Variants in TMEM181 observed in about 807,000 individuals in gnomAD.
The protein encoded by TMEM181 is G protein-coupled receptor 178.
A neutral mutation model predicts 71.9 loss-of-function variants in TMEM181; 39 were observed. The observed-to-expected ratio is 0.54, with a 90% CI of 0.42 to 0.71. The LOEUF is 0.71. TMEM181 is among the 30% of genes least tolerant of loss of function. TMEM181 has a pLI of 0.00. For missense variants in TMEM181, 595 were observed against 583.0 expected (o/e 1.02, Z -0.21); for synonymous variants, 245 against 228.8 (o/e 1.07, Z -0.64).
At chr6:158,539,815 G>T (rs1435358508) in intron 1 of TMEM181, among the ~76,000 whole-genome samples, 2 of 152,214 alleles carry the variant, frequency 1.3e-5, no homozygotes, top group South Asian at 2.1e-4. Context: ...TCTAGCCCCA[G>T]TTCCACTCCT....
chr6:158,624,409 G>A (rs541613297), intron 11 of TMEM181, among the ~76,000 whole-genome samples: 150 of 152,348 alleles, frequency 9.8e-4, no homozygotes, highest in Non-Finnish European at 1.7e-3. Context: ...GAGCTCTGGC[G>A]CTGAGAGGAC....
At chr6:158,545,849 C>T (rs1781510720) in intron 1 of TMEM181, among the ~76,000 whole-genome samples, 1 of 152,068 alleles carries the variant, frequency 6.6e-6, no homozygotes, top group African/African-American at 2.4e-5. Context: ...GCTTCCCATT[C>T]TTTTTAATAC....
upstream of TMEM181, among the ~76,000 whole-genome samples, chr6:158,556,598 G>A (rs535262576): frequency 1.3e-5 from 2 of 152,306 alleles, no homozygotes; most frequent in South Asian, 2.1e-4. Context: ...CCAGTCTCGC[G>A]TTGGACAGGC....
At chr6:158,584,947 TAAG>T (rs1783679913) in intron 4 of TMEM181, among the ~76,000 whole-genome samples, 1 of 152,158 alleles carries the variant, frequency 6.6e-6, no homozygotes. Flanking sequence ...TCAGAAGAAA[TAAG>T]AAATCTATTT....
At chr6:158,586,431 A>G (rs1384823464) in intron 5 of TMEM181, among the ~76,000 whole-genome samples, 3 of 152,216 alleles carry the variant, frequency 2.0e-5, no homozygotes, top group Non-Finnish European at 2.9e-5. Flanking sequence ...TTCAGTCCTC[A>G]TGGCAAGTCC....
At chr6:158,630,133 T>C (rs1786578214) in intron 15 of TMEM181, among the ~76,000 whole-genome samples, 1 of 152,180 alleles carries the variant, frequency 6.6e-6, no homozygotes, top group South Asian at 2.1e-4. Context: ...TCAGGAGAAA[T>C]CACACTTTGA....
At chr6:158,590,330 C>T (rs189539446) in intron 6 of TMEM181, among the ~76,000 whole-genome samples, 2 of 151,990 alleles carry the variant, frequency 1.3e-5, no homozygotes, top group African/African-American at 4.8e-5. Flanking sequence ...AAAATAGCTG[C>T]CTCATAGAGC....
chr6:158,623,456 TAAGTAAAAAAAACAAAAAGTCAATAA>T, intron 10 of TMEM181, 68 bp from the exon 11 acceptor site: 1 of 815,540 alleles, frequency 1.2e-6, no homozygotes, highest in Non-Finnish European at 1.9e-6. Flanking sequence ...TTTATATTAA[TAAGTAAAAAAAACAAAAAGTCAATAA>T]GAAAAAATGT....
At chr6:158,627,104 C>T (rs1443443880) in intron 13 of TMEM181, among the ~76,000 whole-genome samples, 1 of 87,788 alleles carries the variant, frequency 1.1e-5, no homozygotes, top group African/African-American at 5.8e-5. Flanking sequence ...CTCGTTTTCA[C>T]CCTCTCTCAC....
intron 1 of TMEM181, among the ~76,000 whole-genome samples, chr6:158,541,832 CTG>C (rs1781360998): frequency 6.6e-6 from 1 of 150,560 alleles, no homozygotes; most frequent in Admixed American, 6.6e-5. Context: ...ACTGACAACT[CTG>C]TCTTTTGTTT....
chr6:158,555,876 G>T (rs574286966), upstream of TMEM181, among the ~76,000 whole-genome samples: 245 of 93,352 alleles, frequency 2.6e-3, no homozygotes, highest in African/African-American at 0.011. Flanking sequence ...TCTCTTGGAA[G>T]ATTTTTCAGA....
intron 10 of TMEM181, among the ~76,000 whole-genome samples, chr6:158,622,433 T>C (rs927471270): frequency 6.6e-6 from 1 of 152,014 alleles, no homozygotes; most frequent in African/African-American, 2.4e-5. Flanking sequence ...GCCATGACAG[T>C]GTCGGTGGTT....
chr6:158,627,876 G>A (rs1786418276), intron 13 of TMEM181, among the ~76,000 whole-genome samples: 2 of 152,178 alleles, frequency 1.3e-5, no homozygotes, highest in South Asian at 4.1e-4. Flanking sequence ...CTGTGGACCT[G>A]TGTCCCGAGG....
At chr6:158,571,791 AG>A (rs1782864761) in intron 1 of TMEM181, among the ~76,000 whole-genome samples, 1 of 152,222 alleles carries the variant, frequency 6.6e-6, no homozygotes, top group African/African-American at 2.4e-5. Context: ...TGTGCAGTGC[AG>A]GTGCAGAGGG....
In TMEM181 at chr6:158,554,978, CTT is replaced by C. The variant is rs368523053; in HGVS notation, c.131+18116_131+18117del. On this transcript the variant is annotated intron_variant, in intron 1 of 16. Coordinates refer to the TMEM181 transcript ENST00000367090. The stretch of plus-strand genomic sequence containing the variant: ...TTTAAAAATCTCTTTTACTCCCACT[CTT>C]TTGCTTTTTTCAGCTTTAAATGAGT... 7.0e-4 allele frequency among the ~76,000 whole-genome samples: 106 copies of C among 152,316 alleles called. 1 individual carries two copies. The East Asian group carries it at 9.4e-3, about 14-fold the overall frequency.
Position 158,608,643 on chromosome 6 carries a change from A to AT in TMEM181, c.805-9dup, listed in dbSNP as rs765461408. 2.8e-5 allele frequency: 45 copies of AT among 1,598,316 alleles called. No individual in the cohort carries two copies. Among genetic ancestry groups the AT allele is most frequent in the Middle Eastern group, 1.7e-4 (1 of 5,978 alleles). ...TGGTTTTCTTTATTTCTTACTTCTT[A>AT]TTTTTTTCTTTTTAGGGAGAAAGAA... On this transcript the variant is annotated splice_polypyrimidine_tract_variant and intron_variant, in intron 9 of 16. Coordinates refer to ENST00000684151, the MANE Select transcript of TMEM181 (RefSeq NM_001376852.1).
intron 10 of TMEM181, among the ~76,000 whole-genome samples, chr6:158,616,391 C>T (rs1443400077): frequency 2.0e-5 from 3 of 152,138 alleles, no homozygotes; most frequent in Admixed American, 6.5e-5. Context: ...TGGGCTGAGA[C>T]GATGGGGTTT....
At chr6:158,614,273 C>T (rs949836954) in intron 10 of TMEM181, among the ~76,000 whole-genome samples, 1 of 152,136 alleles carries the variant, frequency 6.6e-6, no homozygotes, top group Non-Finnish European at 1.5e-5. Flanking sequence ...ATTTGAAACA[C>T]TTGATAGTAT....
In TMEM181 at chr6:158,589,724, A is replaced by T. The variant is rs1467709917; in HGVS notation, c.434A>T (p.Tyr145Phe). ...AHLGYLNYTQ[Y>F]TVIVGFEHLK... ...CTTGGCTACCTGAACTACACTCAGT[A>T]TACAGTGATAGTGGGATTTGAACAC... Residue 145 changes from tyrosine (Y) to phenylalanine (F), a missense_variant, in exon 6 of 17, where the codon TAT (tyrosine) becomes TTT (phenylalanine). By Grantham distance (22) the Tyr-to-Phe change is conservative. Transcript: ENST00000684151. The T allele has an allele frequency of 5.0e-6, 8 of 1,614,082 alleles. No homozygotes were observed. In the East Asian group the frequency reaches 1.8e-4, roughly 36 times the overall value.
Sources: allele counts gnomAD v4.1 joint callset (sites outside exome capture counted in the v4.1 genomes callset), GRCh38; gene constraint gnomAD v4.1.1; transcripts MANE v1.5; gene names NCBI Gene and HGNC (gene_info 2026-07-23, HGNC 2026-07-21).